AFF1: variants seen among roughly 807,000 people sequenced by gnomAD.
The protein encoded by AFF1 is ALF transcription elongation factor 1, also known as AF4/FMR2 family member 1.
Under a neutral mutation model 121.7 loss-of-function variants are expected in AFF1, and 48 were observed. That is an observed-to-expected ratio of 0.39 (90% confidence interval 0.31 to 0.50). The LOEUF is 0.50. Among genes scored for constraint, AFF1 ranks in the 20% least tolerant of loss-of-function variants. The pLI is 0.76. For missense variants in AFF1, 1,523 were observed against 1,511.7 expected (o/e 1.01, Z -0.12); for synonymous variants, 613 against 563.0 (o/e 1.09, Z -1.26).
chr4:87,070,061 T>C (rs529929083), intron 4 of AFF1, among the ~76,000 whole-genome samples: 21 of 152,136 alleles, frequency 1.4e-4, no homozygotes, highest in Non-Finnish European at 2.9e-4. Flanking sequence ...TGGAGTGCAG[T>C]GGCAGGATCT....
intron 2 of AFF1, among the ~76,000 whole-genome samples, chr4:86,976,433 G>T (rs189449339): frequency 6.6e-6 from 1 of 152,178 alleles, no homozygotes; most frequent in Admixed American, 6.5e-5. Context: ...GTCATATCAC[G>T]CACCCATGAA....
At chr4:87,010,830 G>GT (rs1353491018) in intron 2 of AFF1, among the ~76,000 whole-genome samples, 2 of 152,176 alleles carry the variant, frequency 1.3e-5, no homozygotes, top group African/African-American at 4.8e-5. Context: ...GCTCACGCCT[G>GT]TAATCCCAGC....
intron 5 of AFF1, among the ~76,000 whole-genome samples, chr4:87,086,285 T>G (rs533213440): frequency 3.3e-5 from 5 of 152,198 alleles, no homozygotes; most frequent in Admixed American, 1.3e-4. Context: ...GCAGGTTTGT[T>G]GTCTTCTGCA....
chr4:86,944,140 TAAAAAAAA>T (rs35682600), intron 1 of AFF1, among the ~76,000 whole-genome samples: 3 of 96,180 alleles, frequency 3.1e-5, no homozygotes, highest in South Asian at 3.7e-4. Context: ...CAAGACCCTG[TAAAAAAAA>T]AAAAAAAAAA....
chr4:87,066,821 C>G (rs531758083), intron 4 of AFF1, among the ~76,000 whole-genome samples: 1 of 152,282 alleles, frequency 6.6e-6, no homozygotes, highest in African/African-American at 2.4e-5. Flanking sequence ...CAGCCTCTGC[C>G]CTGGCTCCTT....
rs1728890223 is a variant in AFF1, at chr4:87,132,158, AACTC to A, written c.3174-110_3174-107del. The A allele has an allele frequency of 4.1e-6, 5 of 1,227,760 alleles. No homozygotes were observed. The South Asian group carries it at 7.7e-5, about 19-fold the overall frequency. The allele number at this position is 1,227,760 out of a possible 1,614,324, so 76.1% of individuals were successfully genotyped here. ...AGAGCAGTAAGATACTTTACATACTAACTCACACAGGTGAGGCAAACCCGGTGTG... is the reference window on the plus strand; with the variant it reads ...AGAGCAGTAAGATACTTTACATACTAACACAGGTGAGGCAAACCCGGTGTG... On this transcript the variant is annotated intron_variant, in intron 18 of 20. Coordinates refer to ENST00000395146, the MANE Select transcript of AFF1 (RefSeq NM_001166693.3).
At chr4:87,085,603 T>C (rs1043335957) in intron 5 of AFF1, among the ~76,000 whole-genome samples, 6 of 152,298 alleles carry the variant, frequency 3.9e-5, no homozygotes, top group Non-Finnish European at 8.8e-5. Flanking sequence ...TAATTAAGTA[T>C]ATTGGTTATT....
At chr4:86,962,023 G>T (rs1722186706) in intron 2 of AFF1, among the ~76,000 whole-genome samples, 1 of 152,002 alleles carries the variant, frequency 6.6e-6, no homozygotes, top group South Asian at 2.1e-4. Context: ...TATTTTATTT[G>T]TCTAAAATAT....
At chr4:87,101,873 G>T (rs897627442) in intron 8 of AFF1, among the ~76,000 whole-genome samples, 90 of 152,334 alleles carry the variant, frequency 5.9e-4, no homozygotes, top group Non-Finnish European at 2.1e-4. Flanking sequence ...ATAAGGTTAT[G>T]TAAATACTTT....
At chr4:87,037,774 T>A (rs1729716900) in intron 2 of AFF1, among the ~76,000 whole-genome samples, 2 of 151,832 alleles carry the variant, frequency 1.3e-5, no homozygotes, top group African/African-American at 4.8e-5. Context: ...GTAGAGTCGT[T>A]CTCAATTTAA....
intron 2 of AFF1, among the ~76,000 whole-genome samples, chr4:86,981,961 C>T (rs904077655): frequency 1.3e-5 from 2 of 152,166 alleles, no homozygotes; most frequent in Non-Finnish European, 1.5e-5. Context: ...TGATATTTTA[C>T]ATAAATGGAT....
intron 2 of AFF1, among the ~76,000 whole-genome samples, chr4:87,001,559 G>C (rs1397703160): frequency 1.3e-5 from 2 of 152,154 alleles, no homozygotes; most frequent in Non-Finnish European, 2.9e-5. Context: ...TGGGAAGTGA[G>C]AGCCTGAATC....
chr4:87,135,584 C>A lies in AFF1; in HGVS notation c.3540C>A (p.Phe1180Leu). 6.4e-7 allele frequency: 1 copy of A among 1,555,250 alleles called. No homozygotes were observed. The change falls in exon 21 of 21, where the codon TTC becomes TTA. Residue 1180 changes from phenylalanine to leucine, a missense_variant. Phe to Leu is a conservative substitution (Grantham distance 22). Transcript: ENST00000395146. ...TTTGTTTTGTTTTTTTTGCAGAATT[C>A]TTTGCTCGGCTCAGCACAAATGTGT... Reference protein sequence around the residue: ...AEALTRKNKEFFARLSTNVCT... With the variant: ...AEALTRKNKELFARLSTNVCT...
At chr4:87,127,580 T>A in intron 15 of AFF1, 63 bp from the exon 16 acceptor site, 1 of 1,514,562 alleles carries the variant, frequency 6.6e-7, no homozygotes, top group Non-Finnish European at 9.2e-7. Flanking sequence ...CTTGGTCTTA[T>A]CTTGCCCTAG....
At chr4:87,102,064 G>A (rs1164260228) in intron 8 of AFF1, among the ~76,000 whole-genome samples, 1 of 102,608 alleles carries the variant, frequency 9.7e-6, no homozygotes, top group Non-Finnish European at 2.2e-5. Flanking sequence ...TGCTAGAACA[G>A]CTGCCTGAAA....
At chr4:86,949,604 G>T in intron 2 of AFF1, 6 of 1,322,938 alleles carry the variant, frequency 4.5e-6, no homozygotes, top group Middle Eastern at 5.0e-4. Flanking sequence ...AGAGCTGTGG[G>T]CCCCACTCCT....
intron 4 of AFF1, among the ~76,000 whole-genome samples, chr4:87,062,344 C>T (rs916163531): frequency 4.6e-5 from 7 of 152,212 alleles, no homozygotes; most frequent in South Asian, 2.1e-4. Context: ...GACTTGCTCC[C>T]TCAAACCCCT....
At chr4:87,001,556 T>A (rs1424500988) in intron 2 of AFF1, among the ~76,000 whole-genome samples, 1 of 152,054 alleles carries the variant, frequency 6.6e-6, no homozygotes, top group Non-Finnish European at 1.5e-5. Flanking sequence ...AAGTGGGAAG[T>A]GAGAGCCTGA....
At chr4:87,046,365 G>C in intron 3 of AFF1, 79 bp downstream of exon 3, 1 of 1,524,092 alleles carries the variant, frequency 6.6e-7, no homozygotes, top group South Asian at 1.2e-5. Flanking sequence ...CAGTATAATT[G>C]AGTTCGAACA....
Sources: gnomAD v4.1 joint callset for allele counts (sites outside exome capture counted in the v4.1 genomes callset) on GRCh38, gnomAD v4.1.1 for gene constraint, MANE v1.5 for transcripts, NCBI Gene and HGNC (gene_info 2026-07-23, HGNC 2026-07-21) for gene names.